The following ZNF613 variants were observed in gnomAD, a reference collection of about 807,000 sequenced individuals.
ZNF613 encodes zinc finger protein 613.
A neutral mutation model predicts 14.3 loss-of-function variants in ZNF613; 8 were observed. That is an observed-to-expected ratio of 0.56 (90% confidence interval 0.33 to 1.01). The LOEUF (loss-of-function observed/expected upper bound fraction) is 1.01. ZNF613 is among the 50% of genes least tolerant of loss of function. The probability of loss-of-function intolerance (pLI) is 0.03; values close to 1 mark genes in which losing one functional copy is unlikely to be tolerated. For synonymous variants in ZNF613, 228 were observed against 254.5 expected, an observed-to-expected ratio of 0.90 and a Z score of 0.99; for missense variants, 656 against 741.9, an observed-to-expected ratio of 0.88 and a Z score of 1.35.
At chr19:51,933,682 G>A (rs2122809520) in intron 2 of ZNF613, among the ~76,000 whole-genome samples, 1 of 152,332 alleles carries the variant, frequency 6.6e-6, no homozygotes, top group South Asian at 2.1e-4. Flanking sequence ...CGTTGGGAAT[G>A]TTGGCCACAA....
At chr19:51,931,615 C>A (rs748140050) in intron 2 of ZNF613, among the ~76,000 whole-genome samples, 10 of 151,926 alleles carry the variant, frequency 6.6e-5, no homozygotes, top group Non-Finnish European at 1.2e-4. Context: ...TTCTTCATTC[C>A]TAGAACTTCT....
Position 51,945,807 on chromosome 19 carries a change from C to T in ZNF613, c.*70C>T, listed in dbSNP as rs2085397158. The T allele has an allele frequency of 3.2e-6, 5 of 1,551,326 alleles. No individual in the cohort carries two copies. The highest frequency in any genetic ancestry group is 2.2e-5 in the East Asian group (1 of 44,570). ...ATTACATCATATGTCACAAAAAACA[C>T]AGAGGAACAAACTGATATATTCAAG... is the stretch of plus-strand genomic sequence containing the variant. On this transcript the variant is annotated 3_prime_UTR_variant, in exon 6 of 6. Transcript: ENST00000293471.
intron 3 of ZNF613, among the ~76,000 whole-genome samples, chr19:51,938,725 G>GATATATATATAT (rs113608259): frequency 0.048 from 5,637 of 117,456 alleles, 180 homozygotes; most frequent in African/African-American, 0.095. Context: ...AATGTACATG[G>GATATATATATAT]ATATATATAT....
At position 51,936,205 on chromosome 19, in the gene ZNF613, C is replaced by T; in HGVS notation, c.-16C>T. ...CAGCATCCTACTTACTGGCTATTTC[C>T]CAGTAACAAAAGAAAATGATCAAGT... On this transcript the variant is annotated 5_prime_UTR_variant, in exon 3 of 6. Coordinates refer to ENST00000293471, the MANE Select transcript of ZNF613 (RefSeq NM_001031721.4). 6.2e-7 allele frequency: 1 copy of T among 1,603,694 alleles called. No homozygotes were observed. The highest frequency in any genetic ancestry group is 8.5e-7 in the Non-Finnish European group (1 of 1,174,872).
At chr19:51,938,937 T>C (rs1394386918) in intron 3 of ZNF613, among the ~76,000 whole-genome samples, 1 of 151,668 alleles carries the variant, frequency 6.6e-6, no homozygotes, top group Non-Finnish European at 1.5e-5. Context: ...AATAAATAAA[T>C]ATACATGTAT....
chr19:51,945,440 A>G lies in ZNF613; in HGVS notation c.1557A>G (p.Lys519=). Residue 519 remains lysine (K), a synonymous_variant, in exon 6 of 6, where the codon AAA becomes AAG. Transcript: ENST00000293471. ...CGTATGGATGCTCTGATTGTGGGAA[A>G]GCTTTCTCCCACTTGTCATGCCTTG... ...ERPYGCSDCG[K]AFSHLSCLVY... 1 of 1,614,206 alleles carries G rather than the reference A, an allele frequency of 6.2e-7. No individual in the cohort carries two copies. Among genetic ancestry groups the G allele is most frequent in the Non-Finnish European group, 8.5e-7 (1 of 1,180,020 alleles).
rs1337529947 is a variant in ZNF613 at position 51,940,332 on chromosome 19, G to A, written c.139G>A (p.Val47Met). 2 of 1,613,382 alleles carry A rather than the reference G, an allele frequency of 1.2e-6. No individual in the cohort carries two copies. Among genetic ancestry groups the A allele is most frequent in the Admixed American group, 3.3e-5 (2 of 59,994 alleles). The change falls in exon 4 of 6, where the codon GTG becomes ATG. Residue 47 changes from valine to methionine, a missense_variant. By Grantham distance (21) the Val-to-Met change is conservative. Transcript: ENST00000293471. ...GGAGAACTATAGCAACCTCGTGTCA[G>A]TGGGTGAGGACAGCTGCCCTGTGTC... ...MLENYSNLVS[V>M]GYQASKPDAL...
At chr19:51,935,964 C>G (rs1049482654) in intron 2 of ZNF613, 64 bp from the exon 3 acceptor site, 1 of 403,198 alleles carries the variant, frequency 2.5e-6, no homozygotes. Context: ...AAGGTGAGAA[C>G]ACAGCAGCAG....
Position 51,927,490 on chromosome 19 carries a change from T to A in ZNF613, c.-409T>A, listed in dbSNP as rs2085223616. The stretch of plus-strand genomic sequence containing the variant: ...GGGGAGGGCCCAGAAGTGGAATAAT[T>A]CAGGAAAGTGCAGGTTCTGGGAAGT... On this transcript the variant is annotated 5_prime_UTR_variant, in exon 1 of 6. Transcript: ENST00000293471. 1 of 151,448 alleles carries A rather than the reference T, an allele frequency of 6.6e-6. No homozygotes were observed. The highest frequency in any genetic ancestry group is 2.4e-5 in the African/African-American group (1 of 40,960). The allele number at this position is 151,448 out of a possible 1,614,324, so 9.4% of individuals were successfully genotyped here.
intron 5 of ZNF613, chr19:51,942,587 G>C (rs562428368): frequency 6.6e-6 from 1 of 152,412 alleles, no homozygotes; most frequent in Middle Eastern, 3.4e-3. Context: ...ACAGAGGAGT[G>C]AACAAGAGGG....
intron 3 of ZNF613, 45 bp from the exon 4 acceptor site, chr19:51,940,164 A>G: frequency 1.9e-6 from 3 of 1,606,144 alleles, no homozygotes; most frequent in Non-Finnish European, 2.6e-6. Flanking sequence ...TCTTCCATAT[A>G]AATGAGAGAA....
chr19:51,935,463 A>G (rs1599904618), intron 2 of ZNF613, among the ~76,000 whole-genome samples: 1 of 152,218 alleles, frequency 6.6e-6, no homozygotes, highest in African/African-American at 2.4e-5. Flanking sequence ...CTTTTGGACA[A>G]TATAGTCAAA....
At position 51,946,504 on chromosome 19, in the gene ZNF613, C is replaced by T. The variant is rs2085402562; in HGVS notation, c.*767C>T. ...TTTCTTCACTTGTTATTTCAGACTACTGAAGCTCTTCAAAAGGAAAAATGT... is the reference window on the plus strand; with the variant it reads ...TTTCTTCACTTGTTATTTCAGACTATTGAAGCTCTTCAAAAGGAAAAATGT... On this transcript the variant is annotated 3_prime_UTR_variant, in exon 6 of 6. Transcript: ENST00000293471. 1 of 152,202 alleles carries T rather than the reference C, an allele frequency of 6.6e-6. No homozygotes were observed. 9.4% of individuals were successfully genotyped at this position (152,202 alleles called of 1,614,324 possible). A position where few individuals can be genotyped will look rare whatever the true frequency, so the allele number is the denominator to read the frequency against.
At chr19:51,931,427 T>G (rs1015848560) in intron 2 of ZNF613, among the ~76,000 whole-genome samples, 18 of 152,218 alleles carry the variant, frequency 1.2e-4, no homozygotes, top group African/African-American at 4.3e-4. Context: ...CTGTCACTCT[T>G]CCTTAGTCAT....
At chr19:51,932,025 A>AG (rs1025913964) in intron 2 of ZNF613, among the ~76,000 whole-genome samples, 3 of 152,114 alleles carry the variant, frequency 2.0e-5, no homozygotes, top group Non-Finnish European at 4.4e-5. Flanking sequence ...GATAGAGAGA[A>AG]GGGGGGGTGA....
At chr19:51,931,515 A>G (rs866183183) in intron 2 of ZNF613, among the ~76,000 whole-genome samples, 7 of 152,310 alleles carry the variant, frequency 4.6e-5, no homozygotes, top group South Asian at 2.1e-4. Flanking sequence ...CCTTTCCAGA[A>G]TAGTTAAAAT....
intron 2 of ZNF613, among the ~76,000 whole-genome samples, chr19:51,931,943 AG>A (rs1470676954): frequency 2.0e-5 from 3 of 152,194 alleles, no homozygotes; most frequent in Non-Finnish European, 4.4e-5. Flanking sequence ...AGAAGGGGTC[AG>A]GGGGCACCTT....
At position 51,944,800 on chromosome 19, in the gene ZNF613, A is replaced by G. The variant is rs1430745580; in HGVS notation, c.917A>G (p.His306Arg). 3.7e-6 allele frequency: 6 copies of G among 1,613,922 alleles called. No homozygotes were observed. The highest frequency in any genetic ancestry group is 3.3e-5 in the Admixed American group (2 of 59,980). The change falls in exon 6 of 6, where the codon CAT becomes CGT. Residue 306 changes from histidine to arginine, a missense_variant. By Grantham distance (29) the His-to-Arg change is conservative (BLOSUM62 0). Coordinates refer to ENST00000293471, the MANE Select transcript of ZNF613 (RefSeq NM_001031721.4). ...GFIKKSRLIN[H>R]QRVHTGEKPH... ...ATCAAGAAGTCTCGGCTCATTAATC[A>G]TCAGAGAGTTCATACAGGAGAGAAA...
At chr19:51,932,302 C>CTTTTTTTTTTTTTTTTTTTTTTTTTTT (rs34474633) in intron 2 of ZNF613, among the ~76,000 whole-genome samples, 1 of 90,944 alleles carries the variant, frequency 1.1e-5, no homozygotes, top group Non-Finnish European at 2.1e-5. Flanking sequence ...CTCCCAACAT[C>CTTTTTTTTTTTTTTTTTTTTTTTTTTT]TTTTTTTTTT....
Sources: allele counts gnomAD v4.1 joint callset (sites outside exome capture counted in the v4.1 genomes callset), GRCh38; gene constraint gnomAD v4.1.1; transcripts MANE v1.5; gene names NCBI Gene and HGNC (gene_info 2026-07-23, HGNC 2026-07-21).